Variants in SEMA5B observed in about 807,000 individuals in gnomAD.
SEMA5B encodes semaphorin 5B, also known as semaphorin-5B.
In SEMA5B, 66 loss-of-function variants were observed where a neutral mutation model predicts 135.0. The observed-to-expected ratio is 0.49, with a 90% CI of 0.40 to 0.60. SEMA5B has a LOEUF of 0.60. Ranked by LOEUF, SEMA5B falls within the 20% of genes least tolerant of loss-of-function variation. The pLI is 0.00. For missense variants in SEMA5B, 1,501 were observed against 1,566.3 expected (o/e 0.96, Z 0.70); for synonymous variants, 690 against 639.5 (o/e 1.08, Z -1.19).
intron 18 of SEMA5B, 21 bp from the exon 19 acceptor site, chr3:122,912,363 T>C (rs1453516342): frequency 1.9e-5 from 30 of 1,555,346 alleles, no homozygotes; most frequent in Non-Finnish European, 2.6e-5. Context: ...ACGGGGTGTG[T>C]GAGGGGCTGT....
rs183056513 is a variant in SEMA5B, at chr3:122,972,799, G to T, written c.-38-11498C>A. On this transcript the variant is annotated intron_variant, in intron 1 of 22. Coordinates refer to ENST00000357599, the MANE Select transcript of SEMA5B (RefSeq NM_001031702.4). Reference sequence around the variant, plus strand: ...TCCCTGTGAAGTCTGCAGAAGGCTTGTCATGGCTCCCATTTAACTGATGAG... The same window carrying T: ...TCCCTGTGAAGTCTGCAGAAGGCTTTTCATGGCTCCCATTTAACTGATGAG... 9.2e-5 allele frequency among the ~76,000 whole-genome samples: 14 copies of T among 152,338 alleles called. 1 individual carries two copies. The highest frequency in any genetic ancestry group is 9.1e-4 in the Admixed American group (14 of 15,304).
At position 122,989,420 on chromosome 3, in the gene SEMA5B, C is replaced by T. The variant is rs111407370; in HGVS notation, c.-38-28119G>A. On this transcript the variant is annotated intron_variant, in intron 1 of 22. Transcript: ENST00000357599. ...CAGTGTCCTGGCTCTGAACCTTCCC[C>T]TCATAGTCGACCCTAGACTGGCCCA... 9.6e-3 allele frequency among the ~76,000 whole-genome samples: 1,467 copies of T among 152,338 alleles called. 8 individuals are homozygous for T. Among genetic ancestry groups the T allele is most frequent in the Non-Finnish European group, 0.014 (942 of 68,028 alleles).
At chr3:122,928,398 G>C in intron 7 of SEMA5B, 119 bp downstream of exon 7, 1 of 645,574 alleles carries the variant, frequency 1.5e-6, no homozygotes, top group Non-Finnish European at 2.7e-6. Flanking sequence ...GTGTCCTTTT[G>C]TTTCTGTTTT....
intron 2 of SEMA5B, among the ~76,000 whole-genome samples, chr3:122,954,426 G>C (rs1014502673): frequency 6.6e-6 from 1 of 152,228 alleles, no homozygotes; most frequent in Admixed American, 6.5e-5. Flanking sequence ...CGTTGGAGTT[G>C]TGTCAGACTA....
At chr3:122,949,975 C>T (rs888961896) in intron 2 of SEMA5B, among the ~76,000 whole-genome samples, 6 of 152,220 alleles carry the variant, frequency 3.9e-5, no homozygotes, top group African/African-American at 7.2e-5. Context: ...TTCTGCTTAG[C>T]TGGCTTTGCA....
At chr3:122,962,838 C>T (rs1003052898) in intron 1 of SEMA5B, among the ~76,000 whole-genome samples, 1 of 152,100 alleles carries the variant, frequency 6.6e-6, no homozygotes, top group East Asian at 1.9e-4. Context: ...CCCCCTGACC[C>T]CCCATGAAAA....
intron 1 of SEMA5B, among the ~76,000 whole-genome samples, chr3:122,974,915 G>A (rs1941261777): frequency 6.6e-6 from 1 of 152,110 alleles, no homozygotes; most frequent in Non-Finnish European, 1.5e-5. Context: ...CACCCTGCAG[G>A]CCCAGCCCCC....
chr3:122,943,493 C>T lies in SEMA5B; in HGVS notation c.371G>A (p.Arg124Gln), dbSNP rs139012400. The change falls in exon 4 of 23, where the codon CGG (arginine) becomes CAG (glutamine). Residue 124 changes from arginine (R) to glutamine (Q), a missense_variant. By Grantham distance (43) the Arg-to-Gln change is conservative. Coordinates refer to ENST00000357599, the MANE Select transcript of SEMA5B (RefSeq NM_001031702.4). The stretch of plus-strand genomic sequence containing the variant: ...GTCCAAAGCCAGCTGGGAGAAATCC[C>T]GGGCTCCAGGGTAGGTGAAGTTAGA... ...WVSNFTYPGA[R>Q]DFSQLALDPS... 9.9e-6 allele frequency: 16 copies of T among 1,610,238 alleles called. No individual in the cohort carries two copies. Among genetic ancestry groups the T allele is most frequent in the Middle Eastern group, 1.6e-4 (1 of 6,076 alleles).
chr3:122,974,677 G>C (rs1242219341), intron 1 of SEMA5B, among the ~76,000 whole-genome samples: 1 of 152,070 alleles, frequency 6.6e-6, no homozygotes. Flanking sequence ...GGGGAGGGGG[G>C]TCTTTAAGAG....
At chr3:122,945,608 A>G (rs1408575261) in intron 3 of SEMA5B, among the ~76,000 whole-genome samples, 2 of 152,044 alleles carry the variant, frequency 1.3e-5, no homozygotes, top group Non-Finnish European at 2.9e-5. Flanking sequence ...TGTCCCTATG[A>G]GACTGGGTGC....
intron 5 of SEMA5B, among the ~76,000 whole-genome samples, chr3:122,935,663 CT>C (rs953521081): frequency 2.4e-5 from 3 of 124,996 alleles, no homozygotes; most frequent in African/African-American, 9.2e-5. Context: ...GCTCTATCCA[CT>C]TTTTTTTCTT....
intron 1 of SEMA5B, among the ~76,000 whole-genome samples, chr3:123,006,742 C>T (rs1942322162): frequency 6.6e-6 from 1 of 152,132 alleles, no homozygotes; most frequent in African/African-American, 2.4e-5. Context: ...ACGGCCAGGC[C>T]TGGGAACCCA....
chr3:122,997,520 C>CCCCCG (rs1560427202), intron 1 of SEMA5B, among the ~76,000 whole-genome samples: 1 of 135,494 alleles, frequency 7.4e-6, no homozygotes. Context: ...CAGGCCTCTC[C>CCCCCG]CCCCCCCGTC....
chr3:122,944,481 G>C (rs1299858327), intron 3 of SEMA5B, among the ~76,000 whole-genome samples: 1 of 152,174 alleles, frequency 6.6e-6, no homozygotes. Context: ...AGATCTCCAG[G>C]CTCAGTCCAG....
upstream of SEMA5B, among the ~76,000 whole-genome samples, chr3:123,027,998 G>C (rs531291623): frequency 3.3e-5 from 5 of 152,140 alleles, no homozygotes; most frequent in Non-Finnish European, 7.4e-5. Flanking sequence ...TGACCAGCCC[G>C]GTGGGCCGAA....
At chr3:123,004,828 C>T (rs774605216) in intron 1 of SEMA5B, among the ~76,000 whole-genome samples, 2 of 152,164 alleles carry the variant, frequency 1.3e-5, no homozygotes. Context: ...GGCTCCCAGC[C>T]CCACCTGGAC....
chr3:122,927,733 G>C, intron 8 of SEMA5B, 57 bp downstream of exon 8: 4 of 1,259,616 alleles, frequency 3.2e-6, no homozygotes, highest in Non-Finnish European at 4.2e-6. Context: ...GGCTCAGGGT[G>C]GGCTGGTGGG....
intron 2 of SEMA5B, among the ~76,000 whole-genome samples, chr3:122,948,971 A>G (rs1939926738): frequency 6.6e-6 from 1 of 152,256 alleles, no homozygotes; most frequent in Non-Finnish European, 1.5e-5. Context: ...GTTTAAAATT[A>G]GTTTTAATGA....
chr3:122,944,757 C>G (rs1346945), intron 3 of SEMA5B, among the ~76,000 whole-genome samples: 127,756 of 152,140 alleles, frequency 0.84, 54,522 homozygotes, highest in East Asian at 1. Context: ...CGCCCGGTTT[C>G]CCTCCTGCTG....
Sources: allele counts gnomAD v4.1 joint callset (sites outside exome capture counted in the v4.1 genomes callset), GRCh38; gene constraint gnomAD v4.1.1; transcripts MANE v1.5; gene names NCBI Gene and HGNC (gene_info 2026-07-23, HGNC 2026-07-21).